Variants in TMEM266 observed in about 807,000 individuals in gnomAD.
The protein encoded by TMEM266 is transmembrane protein 266.
TMEM266 carries 33 observed loss-of-function variants against 50.5 expected under a neutral mutation model. The observed-to-expected ratio is 0.65, with a 90% confidence interval of 0.50 to 0.87. TMEM266 has a LOEUF of 0.87. Among genes scored for constraint, TMEM266 ranks in the 40% least tolerant of loss-of-function variants. TMEM266 has a pLI of 0.00. For synonymous variants in TMEM266, 310 were observed against 292.3 expected (o/e 1.06, Z -0.62); for missense variants, 655 against 695.1 (o/e 0.94, Z 0.65).
chr15:76,172,834 G>A (rs2038206582), intron 7 of TMEM266, among the ~76,000 whole-genome samples: 1 of 152,202 alleles, frequency 6.6e-6, no homozygotes, highest in Admixed American at 6.5e-5. Flanking sequence ...TCAGGGCCCT[G>A]TTCTTGGCTC....
At position 76,160,660 on chromosome 15, in the gene TMEM266, C is replaced by T. The variant is rs570332001; in HGVS notation, c.456+492C>T. Among the ~76,000 whole-genome samples the T allele has an allele frequency of 2.6e-5, 4 of 152,280 alleles. No homozygotes were observed. In the South Asian group the frequency reaches 8.3e-4, roughly 32 times the overall value. On this transcript the variant is annotated intron_variant, in intron 5 of 10. Coordinates refer to ENST00000388942, the MANE Select transcript of TMEM266 (RefSeq NM_152335.3). This position sits in a 1 kb window ranked among gnomAD's most constrained non-coding sequence, Gnocchi z 5.7. Reference sequence around the variant, plus strand: ...TCACAGGGCCAGGCAGTGGACCTGACCTGGTCCTGCAGGGGCCCTGGGTCT... The same window carrying T: ...TCACAGGGCCAGGCAGTGGACCTGATCTGGTCCTGCAGGGGCCCTGGGTCT...
chr15:76,085,594 C>G (rs565719481), intron 1 of TMEM266, among the ~76,000 whole-genome samples: 1 of 152,124 alleles, frequency 6.6e-6, no homozygotes, highest in Non-Finnish European at 1.5e-5. Flanking sequence ...CTTTAGGCAA[C>G]AGAAACTCTC....
At chr15:76,147,219 A>T (rs2037769866) in intron 3 of TMEM266, among the ~76,000 whole-genome samples, 1 of 152,210 alleles carries the variant, frequency 6.6e-6, no homozygotes, top group Admixed American at 6.5e-5. Flanking sequence ...ATCCCTGCTA[A>T]TTCCATGCTT....
rs1398859922 is a variant in TMEM266, at chr15:76,204,479, G to A, written c.*164G>A. ...GCGACGCCAGGCCAGGAGGCCACAA[G>A]CTTCAGACCTCAAAGCCCAGAGCTG... On this transcript the variant is annotated 3_prime_UTR_variant, in exon 11 of 11. Transcript: ENST00000388942. 1 of 606,966 alleles carries A rather than the reference G, an allele frequency of 1.6e-6. No homozygotes were observed. Among genetic ancestry groups the A allele is most frequent in the Admixed American group, 3.1e-5 (1 of 32,300 alleles). 37.6% of individuals were successfully genotyped at this position (606,966 alleles called of 1,614,324 possible).
In TMEM266 at chr15:76,160,276, C is replaced by G; in HGVS notation, c.456+108C>G. ...TTTCTAGCATCAGGTCCCCTGCTAG[C>G]CCTTGAGGCTGCTGGGAGGGAGACA... On this transcript the variant is annotated intron_variant, in intron 5 of 10. Transcript: ENST00000388942. The surrounding 1 kb of genome is among the most constrained non-coding windows in gnomAD (Gnocchi z 5.7). 9.0e-7 allele frequency: 1 copy of G among 1,111,674 alleles called. No individual in the cohort carries two copies. The highest frequency in any genetic ancestry group is 1.4e-6 in the Non-Finnish European group (1 of 739,022). 68.9% of individuals were successfully genotyped at this position (1,111,674 alleles called of 1,614,324 possible). A position where few individuals can be genotyped will look rare whatever the true frequency, so the allele number is the denominator to read the frequency against.
At chr15:76,098,597 G>T (rs770331972) in intron 1 of TMEM266, among the ~76,000 whole-genome samples, 5 of 152,118 alleles carry the variant, frequency 3.3e-5, no homozygotes, top group Admixed American at 6.5e-5. Context: ...CCTTAGCAGA[G>T]CTTGAACACT....
chr15:76,074,050 G>A (rs1470526226), intron 1 of TMEM266, among the ~76,000 whole-genome samples: 1 of 151,988 alleles, frequency 6.6e-6, no homozygotes, highest in Non-Finnish European at 1.5e-5. Flanking sequence ...CTTTTCATGT[G>A]TTTTTATTGT....
At chr15:76,108,856 A>G (rs1003308166) in intron 1 of TMEM266, among the ~76,000 whole-genome samples, 1 of 152,208 alleles carries the variant, frequency 6.6e-6, no homozygotes, top group Non-Finnish European at 1.5e-5. Context: ...GGGGAGATTA[A>G]TTAAATTCAG....
Position 76,203,894 on chromosome 15 carries a change from G to A in TMEM266, c.1175G>A (p.Ser392Asn). 1 of 1,614,132 alleles carries A rather than the reference G, an allele frequency of 6.2e-7. No homozygotes were observed. Among genetic ancestry groups the A allele is most frequent in the African/African-American group, 1.3e-5 (1 of 75,062 alleles). Reference sequence around the variant, plus strand: ...GCCACCTCGGAGAGTGCCTCCCGCAGCTCAGTCACCCGGGCCCAGAGTGAC... The same window carrying A: ...GCCACCTCGGAGAGTGCCTCCCGCAACTCAGTCACCCGGGCCCAGAGTGAC... Residue 392 changes from serine (S) to asparagine (N), a missense_variant, in exon 11 of 11, where the codon AGC becomes AAC. Ser to Asn is a conservative substitution (Grantham distance 46). This residue lies in a region of TMEM266 where 455 missense variants were observed against 401.8 expected (regional missense o/e 1.13). Coordinates refer to ENST00000388942, the MANE Select transcript of TMEM266 (RefSeq NM_152335.3).
At chr15:76,163,593 C>T (rs62030162) in intron 5 of TMEM266, among the ~76,000 whole-genome samples, 10,140 of 152,288 alleles carry the variant, frequency 0.067, 386 homozygotes, top group Middle Eastern at 0.12. Context: ...CAGCCCCGCC[C>T]TTGGCTGAGG....
rs1237286518 is a variant in TMEM266 at position 76,204,325 on chromosome 15, T to G, written c.*10T>G. The G allele has an allele frequency of 6.3e-7, 1 of 1,584,112 alleles. No homozygotes were observed. The highest frequency in any genetic ancestry group is 1.7e-5 in the Admixed American group (1 of 58,332). On this transcript the variant is annotated 3_prime_UTR_variant, in exon 11 of 11. Coordinates refer to ENST00000388942, the MANE Select transcript of TMEM266 (RefSeq NM_152335.3). ...GGTCCCTGAGGCCTAGAGCCTGCCA[T>G]GGGCTGGGTGAGATGAGGGGAGACA...
At chr15:76,183,893 G>T (rs2038457074) in intron 8 of TMEM266, among the ~76,000 whole-genome samples, 1 of 152,202 alleles carries the variant, frequency 6.6e-6, no homozygotes, top group Non-Finnish European at 1.5e-5. Flanking sequence ...CTTTCACGTG[G>T]AGGAACCGGA....
rs978805497 is a variant in TMEM266 at position 76,184,104 on chromosome 15, G to A, written c.769-7864G>A. Among the ~76,000 whole-genome samples, 7 of 152,196 alleles carry A rather than the reference G, an allele frequency of 4.6e-5. No homozygotes were observed. In the East Asian group the frequency reaches 1.2e-3, roughly 25 times the overall value. On this transcript the variant is annotated intron_variant, in intron 8 of 10. Transcript: ENST00000388942. ...GGGCAGGAATAGCAGGAATAAAGCC[G>A]TGGTTCCATGCTGGCTCCAGGGACG...
chr15:76,144,168 C>T (rs2955724), intron 3 of TMEM266, among the ~76,000 whole-genome samples: 36,205 of 151,950 alleles, frequency 0.24, 6,412 homozygotes, highest in African/African-American at 0.49. Context: ...TTTCTCAATA[C>T]GTATTTTCTA....
intron 1 of TMEM266, among the ~76,000 whole-genome samples, chr15:76,130,876 T>C (rs995667790): frequency 2.6e-5 from 4 of 152,238 alleles, no homozygotes; most frequent in African/African-American, 9.6e-5. Flanking sequence ...TGTTTTATAT[T>C]GGCTGTATTA....
chr15:76,187,303 T>C (rs568844619), intron 8 of TMEM266, among the ~76,000 whole-genome samples: 2 of 152,380 alleles, frequency 1.3e-5, no homozygotes, highest in South Asian at 4.1e-4. Flanking sequence ...CGGGACATTC[T>C]TGGGCAGCTC....
At chr15:76,184,199 A>G (rs1401679743) in intron 8 of TMEM266, among the ~76,000 whole-genome samples, 1 of 152,242 alleles carries the variant, frequency 6.6e-6, no homozygotes. Context: ...CCAGCTCAGC[A>G]CAATAGCCTT....
In TMEM266 at chr15:76,192,182, C is replaced by T. The variant is rs574065572; in HGVS notation, c.958+25C>T. 373 of 1,390,100 alleles carry T rather than the reference C, an allele frequency of 2.7e-4. 6 individuals are homozygous for T. In the East Asian group the frequency reaches 0.011, roughly 41 times the overall value. The allele number at this position is 1,390,100 out of a possible 1,614,324, so 86.1% of individuals were successfully genotyped here. On this transcript the variant is annotated intron_variant, in intron 9 of 10. Transcript: ENST00000388942. ...GGTAAGCCCGGGTCTCCACCCGGCC[C>T]CAGAGTGTCACGGCCGGGGATCCCC...
At position 76,175,599 on chromosome 15, in the gene TMEM266, C is replaced by T; in HGVS notation, c.693C>T (p.Ile231=). 6.2e-7 allele frequency: 1 copy of T among 1,614,162 alleles called. No homozygotes were observed. The highest frequency in any genetic ancestry group is 8.5e-7 in the Non-Finnish European group (1 of 1,180,006). Residue 231 remains isoleucine, a synonymous_variant, in exon 8 of 11, where the codon ATC becomes ATT. Coordinates refer to ENST00000388942, the MANE Select transcript of TMEM266 (RefSeq NM_152335.3). Reference sequence around the variant, plus strand: ...TGAAGCTGGAGATGGAGATGGTTATCCAGCAGTACGAGAAGGCCAAGGTCA... The same window carrying T: ...TGAAGCTGGAGATGGAGATGGTTATTCAGCAGTACGAGAAGGCCAAGGTCA...
Sources: allele counts gnomAD v4.1 joint callset (sites outside exome capture counted in the v4.1 genomes callset), GRCh38; gene constraint gnomAD v4.1.1; regional missense constraint gnomAD v4.1.1; non-coding constraint Gnocchi (gnomAD v3.1); transcripts MANE v1.5; gene names NCBI Gene and HGNC (gene_info 2026-07-23, HGNC 2026-07-21).